Variants in FHOD3 observed in about 807,000 individuals in gnomAD.
FHOD3 encodes FH1/FH2 domain-containing protein 3.
A neutral mutation model predicts 173.0 loss-of-function variants in FHOD3; 90 were observed. That is an observed-to-expected ratio of 0.52 (90% CI 0.44 to 0.62). FHOD3 has a LOEUF of 0.62. Among genes scored for constraint, FHOD3 ranks in the 20% least tolerant of loss-of-function variants. FHOD3 has a pLI of 0.00. For synonymous variants in FHOD3, 828 were observed against 823.0 expected (o/e 1.01, Z -0.10); for missense variants, 1,945 against 2,034.7 (o/e 0.96, Z 0.85).
Position 36,529,800 on chromosome 18 carries a change from AAAAAAT to A in FHOD3, c.511+17270_511+17275del, listed in dbSNP as rs57000345. On this transcript the variant is annotated intron_variant, in intron 5 of 28. Transcript: ENST00000590592. ...GGGTGAAAGAGTGAGACTCTGTCTCAAAAAATAAAAATAAAAATTAAAAAGGTTAAG... is the reference window on the plus strand; with the variant it reads ...GGGTGAAAGAGTGAGACTCTGTCTCAAAAAATAAAAATTAAAAAGGTTAAG... Among the ~76,000 whole-genome samples, 13 of 152,294 alleles carry A rather than the reference AAAAAAT, an allele frequency of 8.5e-5. No individual in the cohort carries two copies. The East Asian group carries it at 1.7e-3, about 20-fold the overall frequency.
chr18:36,391,506 G>T (rs1272919312), intron 3 of FHOD3, among the ~76,000 whole-genome samples: 1 of 152,142 alleles, frequency 6.6e-6, no homozygotes, highest in African/African-American at 2.4e-5. Context: ...GGGAATTAGA[G>T]CTCAGGAAAT....
At chr18:36,770,769 T>C (rs1207393334) in intron 28 of FHOD3, among the ~76,000 whole-genome samples, 4 of 152,178 alleles carry the variant, frequency 2.6e-5, no homozygotes, top group Non-Finnish European at 4.4e-5. Flanking sequence ...GCAGAGATGT[T>C]TAAATTCCTG....
chr18:36,621,963 A>G (rs2033745324), intron 9 of FHOD3, among the ~76,000 whole-genome samples: 1 of 152,242 alleles, frequency 6.6e-6, no homozygotes, highest in East Asian at 1.9e-4. Context: ...GGACGAATCA[A>G]TAAAGAACAT....
chr18:36,334,297 A>G (rs965271339), intron 1 of FHOD3, among the ~76,000 whole-genome samples: 3 of 152,226 alleles, frequency 2.0e-5, no homozygotes, highest in Non-Finnish European at 4.4e-5. Context: ...CCAAGAAGCA[A>G]AGGCACCCAA....
intron 5 of FHOD3, among the ~76,000 whole-genome samples, chr18:36,563,026 A>G (rs1167401244): frequency 6.6e-6 from 1 of 152,202 alleles, no homozygotes; most frequent in Non-Finnish European, 1.5e-5. Context: ...TGGCCTTTGC[A>G]TGGGCTCAGC....
At chr18:36,414,732 G>A (rs974287136) in intron 3 of FHOD3, among the ~76,000 whole-genome samples, 2 of 152,238 alleles carry the variant, frequency 1.3e-5, no homozygotes, top group African/African-American at 4.8e-5. Flanking sequence ...TCTGTGGGCT[G>A]AGCCTGGGTA....
Position 36,779,465 on chromosome 18 carries a change from A to G in FHOD3, c.4804A>G (p.Ser1602Gly). ...NRKSLRRTLK[S>G]GLTPEEARAL... is the part of the protein sequence containing the mutation. The stretch of plus-strand genomic sequence containing the variant: ...CACTGCAGTGCGAAGAACCCTGAAG[A>G]GCGGCCTGACCCCAGAAGAAGCCAG... The change falls in exon 29 of 29, where the codon AGC becomes GGC. Residue 1602 changes from serine (S) to glycine (G), a missense_variant. Physicochemically the swap from Ser to Gly is moderately conservative, Grantham distance 56. This residue lies in a region of FHOD3 where 354 missense variants were observed against 359.9 expected (regional missense o/e 0.98). Transcript: ENST00000590592. 6.2e-7 allele frequency: 1 copy of G among 1,614,158 alleles called. No homozygotes were observed. The highest frequency in any genetic ancestry group is 8.5e-7 in the Non-Finnish European group (1 of 1,180,026).
intron 1 of FHOD3, among the ~76,000 whole-genome samples, chr18:36,305,664 G>A (rs1482920790): frequency 6.6e-6 from 1 of 152,150 alleles, no homozygotes; most frequent in Non-Finnish European, 1.5e-5. Context: ...GGCTTGGGGT[G>A]TATAGCAAAT....
At chr18:36,383,405 G>A (rs1430342499) in intron 3 of FHOD3, among the ~76,000 whole-genome samples, 1 of 152,170 alleles carries the variant, frequency 6.6e-6, no homozygotes, top group Non-Finnish European at 1.5e-5. Context: ...TATGAGAAAG[G>A]TGCTTAACAG....
chr18:36,577,013 AAC>A (rs1433992464), intron 6 of FHOD3, among the ~76,000 whole-genome samples: 6 of 151,982 alleles, frequency 3.9e-5, no homozygotes, highest in Non-Finnish European at 7.4e-5. Flanking sequence ...GAATCACTTG[AAC>A]CCGGGAGGCA....
intron 9 of FHOD3, among the ~76,000 whole-genome samples, chr18:36,615,505 G>C (rs1450688920): frequency 1.3e-5 from 2 of 152,092 alleles, no homozygotes; most frequent in Non-Finnish European, 2.9e-5. Flanking sequence ...TTCATGATGA[G>C]GGACATAGTA....
chr18:36,576,512 C>T lies in FHOD3; in HGVS notation c.573C>T (p.Thr191=), dbSNP rs537897904. 757 of 1,613,518 alleles carry T rather than the reference C, an allele frequency of 4.7e-4. 11 individuals carry two copies. In the South Asian group the frequency reaches 7.9e-3, roughly 17 times the overall value. Reference sequence around the variant, plus strand: ...ATGGAGTAATAAACCGCAATGAAACCATTCAGTGGCTGTACACTCTCATTG... The same window carrying T: ...ATGGAGTAATAAACCGCAATGAAACTATTCAGTGGCTGTACACTCTCATTG... ...GMNGVINRNE[T]IQWLYTLIGS... The change falls in exon 6 of 29, where the codon ACC becomes ACT. Residue 191 remains threonine, a synonymous_variant. Transcript: ENST00000590592.
chr18:36,624,192 C>T (rs1026807994), intron 9 of FHOD3, among the ~76,000 whole-genome samples: 9 of 152,110 alleles, frequency 5.9e-5, no homozygotes, highest in Non-Finnish European at 1.0e-4. Flanking sequence ...TAGGGGAAGG[C>T]AGTCATATTC....
intron 3 of FHOD3, among the ~76,000 whole-genome samples, chr18:36,410,593 C>T (rs1385739314): frequency 6.6e-6 from 1 of 152,240 alleles, no homozygotes; most frequent in African/African-American, 2.4e-5. Flanking sequence ...GCAGCTGCCC[C>T]ATTCACATTC....
rs778725325 is a variant in FHOD3, at chr18:36,717,983, C to G, written c.2685C>G (p.Thr895=). 1 of 1,613,420 alleles carries G rather than the reference C, an allele frequency of 6.2e-7. No homozygotes were observed. Among genetic ancestry groups the G allele is most frequent in the South Asian group, 1.1e-5 (1 of 90,914 alleles). ...EEKGDGEAGR[T]QQEAEAVASL... ...AGGGGGATGGGGAGGCTGGGAGGAC[C>G]CAGCAGGAGGCAGAGGCGGTAGCCA... is the stretch of plus-strand genomic sequence containing the variant. The change falls in exon 19 of 29, where the codon ACC becomes ACG. Residue 895 remains threonine (T), a synonymous_variant. Transcript: ENST00000590592.
chr18:36,501,897 TTTAA>T, intron 3 of FHOD3, 31 bp from the exon 4 acceptor site: 2 of 1,431,942 alleles, frequency 1.4e-6, no homozygotes, highest in Non-Finnish European at 1.9e-6. Flanking sequence ...ATAGAGTCAG[TTTAA>T]TTAATTTATA....
intron 17 of FHOD3, among the ~76,000 whole-genome samples, chr18:36,707,727 G>A (rs547345107): frequency 3.9e-5 from 6 of 152,252 alleles, no homozygotes; most frequent in South Asian, 4.2e-4. Context: ...ATGGCCAGCC[G>A]TGCCCATTAC....
intron 3 of FHOD3, among the ~76,000 whole-genome samples, chr18:36,424,124 G>A (rs1310940129): frequency 6.6e-6 from 1 of 152,068 alleles, no homozygotes; most frequent in Non-Finnish European, 1.5e-5. Context: ...CATTTTTTGA[G>A]CCACACCCAT....
intron 10 of FHOD3, among the ~76,000 whole-genome samples, chr18:36,643,484 C>T (rs974344744): frequency 6.6e-5 from 10 of 152,220 alleles, no homozygotes; most frequent in Admixed American, 5.9e-4. Context: ...TAGGGTATAG[C>T]AATACAACTT....
Sources: gnomAD v4.1 joint callset for allele counts (sites outside exome capture counted in the v4.1 genomes callset) on GRCh38, gnomAD v4.1.1 for gene constraint, gnomAD v4.1.1 regional missense constraint, MANE v1.5 for transcripts, NCBI Gene and HGNC (gene_info 2026-07-23, HGNC 2026-07-21) for gene names.